The following ATP9A variants were observed in gnomAD, a reference collection of about 807,000 sequenced individuals.
The protein encoded by ATP9A is probable phospholipid-transporting ATPase IIA.
A neutral mutation model predicts 144.1 loss-of-function variants in ATP9A; 52 were observed. That is an observed-to-expected ratio of 0.36 (90% CI 0.29 to 0.45). The LOEUF (loss-of-function observed/expected upper bound fraction) is 0.45, where lower values mean the gene tolerates loss of function less well. Among genes scored for constraint, ATP9A ranks in the 20% least tolerant of loss-of-function variants. The probability of loss-of-function intolerance (pLI) is 1.00; values close to 1 mark genes in which losing one functional copy is unlikely to be tolerated. For missense variants in ATP9A, 947 were observed against 1,392.7 expected (o/e 0.68, Z 5.09); for synonymous variants, 582 against 557.4 (o/e 1.04, Z -0.62).
chr20:51,642,763 A>AAAAAAAACAAAAAAAAAT (rs2077326126), intron 14 of ATP9A, among the ~76,000 whole-genome samples: 1 of 139,910 alleles, frequency 7.1e-6, no homozygotes, highest in Non-Finnish European at 1.5e-5. Flanking sequence ...AAAAAAAAAA[A>AAAAAAAACAAAAAAAAAT]ACCTGGCGTT....
chr20:51,737,499 TA>T (rs1568842499), intron 1 of ATP9A, among the ~76,000 whole-genome samples: 3 of 152,176 alleles, frequency 2.0e-5, no homozygotes, highest in Non-Finnish European at 4.4e-5. Context: ...TGGGGCCCAA[TA>T]TATATACATT....
chr20:51,607,952 G>A lies in ATP9A; in HGVS notation c.2746-368C>T, dbSNP rs540772879. Among the ~76,000 whole-genome samples the A allele has an allele frequency of 1.9e-4, 28 of 151,192 alleles. No homozygotes were observed. The South Asian group carries it at 5.7e-3, about 31-fold the overall frequency. On this transcript the variant is annotated intron_variant, in intron 25 of 27. Transcript: ENST00000338821. ...CCAGCTACTCGGGAGGCTGAAGCAG[G>A]AGAATCGCTTGAACCCAGGAGGTGG...
chr20:51,647,884 A>G lies in ATP9A; in HGVS notation c.1507-8380T>C, dbSNP rs542204677. 2.6e-5 allele frequency among the ~76,000 whole-genome samples: 4 copies of G among 152,328 alleles called. No individual in the cohort carries two copies. In the South Asian group the frequency reaches 8.3e-4, roughly 32 times the overall value. On this transcript the variant is annotated intron_variant, in intron 14 of 27. Transcript: ENST00000338821. ...TGACAGTTTCCTACAGTGTCTGTAA[A>G]ACACTGTCCAGCCCTGCTCAAACAG... is the stretch of plus-strand genomic sequence containing the variant.
rs769952209 is a variant in ATP9A, at chr20:51,743,396, A to ATTTTTTTTTT, written c.69-13428_69-13419dup. On this transcript the variant is annotated intron_variant, in intron 1 of 27. Transcript: ENST00000338821. Reference sequence around the variant, plus strand: ...GAGATGGGCTGCAAGACCGAAACTGATTTTTTTTTTTTTTTTTTTTTGAGA... The same window carrying ATTTTTTTTTT: ...GAGATGGGCTGCAAGACCGAAACTGATTTTTTTTTTTTTTTTTTTTTTTTTTTTTTTGAGA... Among the ~76,000 whole-genome samples the ATTTTTTTTTT allele has an allele frequency of 9.3e-3, 835 of 89,826 alleles. 50 individuals carry two copies. Among genetic ancestry groups the ATTTTTTTTTT allele is most frequent in the African/African-American group, 0.011 (232 of 21,124 alleles). 58.9% of individuals were successfully genotyped at this position (89,826 alleles called of 152,430 possible).
At chr20:51,673,506 T>C (rs1004156039) in intron 11 of ATP9A, among the ~76,000 whole-genome samples, 2 of 152,166 alleles carry the variant, frequency 1.3e-5, no homozygotes, top group African/African-American at 4.8e-5. Context: ...CCATTTCCCT[T>C]TGAGCCCAGA....
chr20:51,717,169 CAA>C lies in ATP9A; in HGVS notation c.328-4097_328-4096del, dbSNP rs10577089. The stretch of plus-strand genomic sequence containing the variant: ...CCTGGGTGACAGAGCAAGACTGCCT[CAA>C]AAAAAAAAAAAAAAAAAAAAGATCT... On this transcript the variant is annotated intron_variant, in intron 3 of 27. Coordinates refer to ENST00000338821, the MANE Select transcript of ATP9A (RefSeq NM_006045.3). Among the ~76,000 whole-genome samples, 724 of 101,526 alleles carry C rather than the reference CAA, an allele frequency of 7.1e-3. 7 individuals are homozygous for C. The highest frequency in any genetic ancestry group is 0.026 in the African/African-American group (632 of 24,104). The allele number at this position is 101,526 out of a possible 152,430, so 66.6% of individuals were successfully genotyped here. A position where few individuals can be genotyped will look rare whatever the true frequency, so the allele number is the denominator to read the frequency against.
chr20:51,619,810 G>A (rs868793092), intron 19 of ATP9A, among the ~76,000 whole-genome samples: 31 of 148,886 alleles, frequency 2.1e-4, no homozygotes, highest in South Asian at 1.7e-3. Flanking sequence ...TGGAGGTTGC[G>A]GTGAGCCGAG....
intron 18 of ATP9A, among the ~76,000 whole-genome samples, chr20:51,622,928 A>G (rs1358941517): frequency 1.3e-5 from 2 of 152,136 alleles, no homozygotes; most frequent in African/African-American, 2.4e-5. Context: ...GATCATGACA[A>G]TTGTCTCCTG....
intron 1 of ATP9A, among the ~76,000 whole-genome samples, chr20:51,762,142 A>G (rs1279632184): frequency 6.6e-6 from 1 of 152,188 alleles, no homozygotes; most frequent in Non-Finnish European, 1.5e-5. Flanking sequence ...AGGTGGGCAG[A>G]TAACTTGAGG....
chr20:51,662,965 G>C (rs1161661203), intron 13 of ATP9A, among the ~76,000 whole-genome samples: 1 of 151,764 alleles, frequency 6.6e-6, no homozygotes, highest in Non-Finnish European at 1.5e-5. Flanking sequence ...AGCTACTCAG[G>C]AAGCTGAGGC....
intron 14 of ATP9A, among the ~76,000 whole-genome samples, chr20:51,651,092 C>G (rs1280687761): frequency 6.8e-6 from 1 of 146,428 alleles, no homozygotes; most frequent in Non-Finnish European, 1.5e-5. Context: ...AATTCACCCT[C>G]CTTCCTGTTT....
At chr20:51,726,473 G>A (rs1048715890) in intron 2 of ATP9A, among the ~76,000 whole-genome samples, 1 of 151,062 alleles carries the variant, frequency 6.6e-6, no homozygotes, top group Non-Finnish European at 1.5e-5. Flanking sequence ...GATATACATG[G>A]AAATTGTAAA....
rs539911604 is a variant in ATP9A at position 51,709,628 on chromosome 20, G to A, written c.436+3338C>T. Among the ~76,000 whole-genome samples the A allele has an allele frequency of 2.5e-3, 374 of 152,302 alleles. 1 individual carries two copies. Among genetic ancestry groups the A allele is most frequent in the African/African-American group, 8.8e-3 (364 of 41,566 alleles). On this transcript the variant is annotated intron_variant, in intron 4 of 27. Coordinates refer to ENST00000338821, the MANE Select transcript of ATP9A (RefSeq NM_006045.3). ...CTGTAGTCCCAACTACTCGGAGGCT[G>A]AAGTGAGAAGATTGCTTGAGCCTGG...
At chr20:51,661,367 C>CT (rs35618042) in intron 13 of ATP9A, among the ~76,000 whole-genome samples, 2,288 of 145,944 alleles carry the variant, frequency 0.016, 30 homozygotes, top group Non-Finnish European at 0.024. Flanking sequence ...CTGAAATACA[C>CT]TTTTTTTTTT....
At chr20:51,715,014 A>G (rs2077656066) in intron 3 of ATP9A, among the ~76,000 whole-genome samples, 1 of 152,130 alleles carries the variant, frequency 6.6e-6, no homozygotes. Context: ...GTTTACAGTC[A>G]TTCGTTTTCC....
At chr20:51,686,882 C>T (rs1176569347) in intron 9 of ATP9A, among the ~76,000 whole-genome samples, 3 of 151,360 alleles carry the variant, frequency 2.0e-5, no homozygotes, top group Admixed American at 1.3e-4. Flanking sequence ...TTGCAGCGAG[C>T]CAAGATGGTA....
intron 1 of ATP9A, among the ~76,000 whole-genome samples, chr20:51,740,719 C>T (rs976029255): frequency 6.7e-6 from 1 of 150,084 alleles, no homozygotes; most frequent in African/African-American, 2.5e-5. Flanking sequence ...CAGGTGTGTA[C>T]CACCACTCCC....
chr20:51,717,169 CAAAAAAAAAAAAA>C (rs10577089), intron 3 of ATP9A, among the ~76,000 whole-genome samples: 1 of 101,550 alleles, frequency 9.8e-6, no homozygotes, highest in African/African-American at 4.2e-5. Context: ...AAGACTGCCT[CAAAAAAAAAAAAA>C]AAAAAAAAAG....
chr20:51,713,980 C>G (rs1568832503), intron 3 of ATP9A, among the ~76,000 whole-genome samples: 1 of 152,106 alleles, frequency 6.6e-6, no homozygotes, highest in African/African-American at 2.4e-5. Context: ...GATCTCGGCT[C>G]ACTGCATCCT....
Sources: gnomAD v4.1 joint callset for allele counts (sites outside exome capture counted in the v4.1 genomes callset) on GRCh38, gnomAD v4.1.1 for gene constraint, MANE v1.5 for transcripts, NCBI Gene and HGNC (gene_info 2026-07-23, HGNC 2026-07-21) for gene names.